The following BRMS1L variants were observed in gnomAD, a reference collection of about 807,000 sequenced individuals.
BRMS1L encodes the protein breast cancer metastasis-suppressor 1-like protein.
Under a neutral mutation model 50.3 loss-of-function variants are expected in BRMS1L, and 23 were observed. The ratio of observed to expected loss-of-function variants is 0.46; its 90% CI spans 0.33 to 0.65. BRMS1L has a LOEUF of 0.65. BRMS1L is among the 30% of genes least tolerant of loss of function. The pLI is 0.02. For synonymous variants in BRMS1L, 114 were observed against 126.9 expected, an observed-to-expected ratio of 0.90 and a Z score of 0.69; for missense variants, 286 against 386.1, an observed-to-expected ratio of 0.74 and a Z score of 2.17.
chr14:35,867,906 C>T lies in BRMS1L; in HGVS notation c.728C>T (p.Pro243Leu), dbSNP rs201561786. Residue 243 changes from proline to leucine, a missense_variant and splice_region_variant, in exon 9 of 10, where the codon CCA becomes CTA. Physicochemically the swap from Pro to Leu is moderately conservative, Grantham distance 98. Transcript: ENST00000216807. ...TLGPHRVKTE[P>L]PVKLEKHLHS... ...ACAGTTTTTGAACTGATCCCTTTAGCACCTGTGAAACTGGAAAAACATCTG... is the reference window on the plus strand; with the variant it reads ...ACAGTTTTTGAACTGATCCCTTTAGTACCTGTGAAACTGGAAAAACATCTG... 1 of 1,592,166 alleles carries T rather than the reference C, an allele frequency of 6.3e-7. No individual in the cohort carries two copies. Among genetic ancestry groups the T allele is most frequent in the Admixed American group, 1.8e-5 (1 of 54,200 alleles).
At chr14:35,847,029 C>T (rs1423786895) in intron 4 of BRMS1L, among the ~76,000 whole-genome samples, 1 of 152,108 alleles carries the variant, frequency 6.6e-6, no homozygotes, top group Non-Finnish European at 1.5e-5. Context: ...GGCTGGAGTG[C>T]AGTGGCGTGA....
chr14:35,865,037 AT>A (rs2078403315), intron 7 of BRMS1L, 38 bp downstream of exon 7: 1 of 1,376,576 alleles, frequency 7.3e-7, no homozygotes, highest in Non-Finnish European at 9.9e-7. Flanking sequence ...GTATGTTTTT[AT>A]AGTCTACTTT....
At chr14:35,863,756 A>C (rs2078383550) in intron 5 of BRMS1L, 114 bp from the exon 6 acceptor site, 1 of 843,278 alleles carries the variant, frequency 1.2e-6, no homozygotes, top group South Asian at 1.7e-5. Flanking sequence ...CCAGCTGCCA[A>C]TGAAGTTTTT....
chr14:35,834,807 T>C, intron 3 of BRMS1L, 37 bp from the exon 4 acceptor site: 1 of 1,389,392 alleles, frequency 7.2e-7, no homozygotes, highest in Non-Finnish European at 9.6e-7. Flanking sequence ...GAACTTCTCA[T>C]TGCTAACATA....
intron 4 of BRMS1L, among the ~76,000 whole-genome samples, chr14:35,849,794 A>G (rs1414528965): frequency 1.3e-5 from 2 of 151,200 alleles, no homozygotes; most frequent in East Asian, 3.9e-4. Context: ...GGCTTTTGCT[A>G]CGGAGTTGAA....
chr14:35,855,156 A>G (rs942641204), intron 4 of BRMS1L, among the ~76,000 whole-genome samples: 1 of 152,322 alleles, frequency 6.6e-6, no homozygotes, highest in Non-Finnish European at 1.5e-5. Context: ...CCTCTAGGTT[A>G]TTGATACCAG....
intron 1 of BRMS1L, chr14:35,829,976 T>A (rs2077896965): frequency 5.4e-6 from 2 of 369,168 alleles, no homozygotes; most frequent in East Asian, 1.5e-4. Context: ...TCACTGATAG[T>A]AATATGGGTA....
In BRMS1L at chr14:35,870,644, A is replaced by C; in HGVS notation, c.*167A>C. 2.5e-6 allele frequency: 1 copy of C among 395,206 alleles called. No homozygotes were observed. The highest frequency in any genetic ancestry group is 4.7e-6 in the Non-Finnish European group (1 of 214,950). 24.5% of individuals were successfully genotyped at this position (395,206 alleles called of 1,614,324 possible). A position where few individuals can be genotyped will look rare whatever the true frequency, so the allele number is the denominator to read the frequency against. On this transcript the variant is annotated 3_prime_UTR_variant, in exon 10 of 10. Coordinates refer to ENST00000216807, the MANE Select transcript of BRMS1L (RefSeq NM_032352.4). ...ATCTCATTGATATGTTATTAAAAGA[A>C]ACAGTAATAAAAATTTTATCACGAT...
intron 4 of BRMS1L, among the ~76,000 whole-genome samples, chr14:35,845,413 A>T (rs2078120927): frequency 6.6e-6 from 1 of 152,066 alleles, no homozygotes; most frequent in Admixed American, 6.6e-5. Flanking sequence ...TTTTCTCAGA[A>T]TTTTTACCAA....
chr14:35,831,543 C>T, intron 2 of BRMS1L, 43 bp downstream of exon 2: 1 of 1,407,712 alleles, frequency 7.1e-7, no homozygotes, highest in Non-Finnish European at 1.0e-6. Flanking sequence ...GAATCTCAAC[C>T]TTGTCACTTG....
At chr14:35,870,126 TAGAA>T (rs1566433211) in intron 9 of BRMS1L, among the ~76,000 whole-genome samples, 2 of 151,650 alleles carry the variant, frequency 1.3e-5, no homozygotes, top group African/African-American at 4.8e-5. Flanking sequence ...ATAGTTCTAA[TAGAA>T]AGTAAATTTT....
At chr14:35,832,488 G>A (rs996579691) in intron 2 of BRMS1L, among the ~76,000 whole-genome samples, 43 of 149,716 alleles carry the variant, frequency 2.9e-4, no homozygotes, top group Middle Eastern at 3.4e-3. Context: ...CCTGGGTGAC[G>A]GAGCGAGACT....
At chr14:35,861,161 C>G (rs1248275666) in intron 4 of BRMS1L, among the ~76,000 whole-genome samples, 1 of 152,138 alleles carries the variant, frequency 6.6e-6, no homozygotes, top group African/African-American at 2.4e-5. Flanking sequence ...AAGTATACTT[C>G]TGATATTTTT....
intron 4 of BRMS1L, among the ~76,000 whole-genome samples, chr14:35,836,848 G>A (rs1277762794): frequency 4.6e-5 from 7 of 151,892 alleles, no homozygotes; most frequent in African/African-American, 1.5e-4. Flanking sequence ...CCATTTTCAC[G>A]ATATCGATTC....
At chr14:35,842,141 C>T (rs1415626799) in intron 4 of BRMS1L, among the ~76,000 whole-genome samples, 3 of 151,816 alleles carry the variant, frequency 2.0e-5, no homozygotes, top group African/African-American at 4.8e-5. Flanking sequence ...GTTTGCCTGT[C>T]TGTGTCTTTT....
chr14:35,836,265 T>C (rs369659767), intron 4 of BRMS1L, among the ~76,000 whole-genome samples: 1 of 152,238 alleles, frequency 6.6e-6, no homozygotes, highest in Admixed American at 6.5e-5. Flanking sequence ...TTTCACTCTT[T>C]CTGATGACTT....
intron 8 of BRMS1L, 144 bp downstream of exon 8, chr14:35,865,905 G>T: frequency 1.4e-6 from 1 of 722,632 alleles, no homozygotes; most frequent in Non-Finnish European, 2.3e-6. Flanking sequence ...GAATTCTTCT[G>T]GAGTCATTGC....
At chr14:35,827,834 T>C (rs2077864479) in intron 1 of BRMS1L, among the ~76,000 whole-genome samples, 1 of 152,222 alleles carries the variant, frequency 6.6e-6, no homozygotes, top group Non-Finnish European at 1.5e-5. Flanking sequence ...TGGGATTACC[T>C]TAATTATCTT....
At chr14:35,834,987 A>G in intron 4 of BRMS1L, 64 bp downstream of exon 4, 1 of 1,223,228 alleles carries the variant, frequency 8.2e-7, no homozygotes. Flanking sequence ...TGAGTGTAGT[A>G]GTTAAAAAAG....
Sources: allele counts gnomAD v4.1 joint callset (sites outside exome capture counted in the v4.1 genomes callset), GRCh38; gene constraint gnomAD v4.1.1; transcripts MANE v1.5; gene names NCBI Gene and HGNC (gene_info 2026-07-23, HGNC 2026-07-21).